ASTN2: variants seen among roughly 807,000 people sequenced by gnomAD.
The protein encoded by ASTN2 is astrotactin-2.
A neutral mutation model predicts 139.8 loss-of-function variants in ASTN2; 54 were observed. The ratio of observed to expected loss-of-function variants is 0.39; its 90% CI spans 0.31 to 0.48. The LOEUF is 0.48. ASTN2 is among the 20% of genes least tolerant of loss of function. ASTN2 has a pLI of 0.95. For missense variants in ASTN2, 1,565 were observed against 1,725.1 expected (o/e 0.91, Z 1.64); for synonymous variants, 756 against 719.5 (o/e 1.05, Z -0.81).
chr9:117,227,928 G>A (rs919738031), intron 2 of ASTN2, among the ~76,000 whole-genome samples: 1 of 152,148 alleles, frequency 6.6e-6, no homozygotes, highest in Non-Finnish European at 1.5e-5. Flanking sequence ...GTATCTATTT[G>A]TTATTACTAT....
Position 117,065,889 on chromosome 9 carries a change from C to T in ASTN2, c.1277-25924G>A, listed in dbSNP as rs200994881. Reference sequence around the variant, plus strand: ...AAATAGGCATATGCTCTGATTCTGTCACTTTCTTCGTAAGTATCTTAATGT... The same window carrying T: ...AAATAGGCATATGCTCTGATTCTGTTACTTTCTTCGTAAGTATCTTAATGT... On this transcript the variant is annotated intron_variant, in intron 5 of 22. Transcript: ENST00000313400. Among the ~76,000 whole-genome samples the T allele has an allele frequency of 2.6e-5, 4 of 152,246 alleles. No homozygotes were observed. The East Asian group carries it at 7.7e-4, about 29-fold the overall frequency.
rs1564169289 is a variant in ASTN2, at chr9:116,632,244, AGAAAGAAG to A, written c.3073-11809_3073-11802del. Among the ~76,000 whole-genome samples, 37 of 119,034 alleles carry A rather than the reference AGAAAGAAG, an allele frequency of 3.1e-4. 1 individual carries two copies. The highest frequency in any genetic ancestry group is 6.2e-4 in the African/African-American group (17 of 27,276). 78.1% of individuals were successfully genotyped at this position (119,034 alleles called of 152,430 possible). On this transcript the variant is annotated intron_variant, in intron 17 of 22. Coordinates refer to ENST00000313400, the MANE Select transcript of ASTN2 (RefSeq NM_001365068.1). ...AAGAAAGAAAGAAAGAAAGAAAGAA[AGAAAGAAG>A]GAAAGAAAGAAAGAAAGAAAGAAAG... is the stretch of plus-strand genomic sequence containing the variant.
At chr9:116,550,362 T>C (rs1476586967) in intron 19 of ASTN2, among the ~76,000 whole-genome samples, 1 of 152,212 alleles carries the variant, frequency 6.6e-6, no homozygotes, top group Non-Finnish European at 1.5e-5. Context: ...TAGTTTTAAG[T>C]ATTACTAGCA....
At chr9:116,738,681 T>A (rs1829011101) in intron 13 of ASTN2, among the ~76,000 whole-genome samples, 1 of 152,182 alleles carries the variant, frequency 6.6e-6, no homozygotes, top group South Asian at 2.1e-4. Context: ...GGTACTATCA[T>A]TATTCCCACT....
chr9:116,465,289 C>T (rs1209448110), intron 20 of ASTN2, among the ~76,000 whole-genome samples: 1 of 152,174 alleles, frequency 6.6e-6, no homozygotes, highest in African/African-American at 2.4e-5. Flanking sequence ...GCTCCCTTTG[C>T]CCCATGAAGA....
At chr9:117,249,595 G>A (rs1162567370) in intron 2 of ASTN2, among the ~76,000 whole-genome samples, 1 of 151,998 alleles carries the variant, frequency 6.6e-6, no homozygotes, top group Non-Finnish European at 1.5e-5. Flanking sequence ...CCATGCATGT[G>A]GTTCCTCTCT....
chr9:116,606,108 T>C (rs907612871), intron 19 of ASTN2, among the ~76,000 whole-genome samples: 2 of 152,100 alleles, frequency 1.3e-5, no homozygotes, highest in Non-Finnish European at 2.9e-5. Context: ...GATGAGGCCA[T>C]GAGGGAGAAC....
At chr9:117,208,642 C>T (rs1832017442) in intron 3 of ASTN2, among the ~76,000 whole-genome samples, 1 of 151,990 alleles carries the variant, frequency 6.6e-6, no homozygotes, top group Non-Finnish European at 1.5e-5. Flanking sequence ...GTCCAGGAAA[C>T]CAGATAGGTT....
chr9:116,541,495 A>C (rs938078109), intron 19 of ASTN2, among the ~76,000 whole-genome samples: 1 of 152,194 alleles, frequency 6.6e-6, no homozygotes, highest in African/African-American at 2.4e-5. Flanking sequence ...CTATTGCTTT[A>C]ATCATAGTTA....
intron 16 of ASTN2, among the ~76,000 whole-genome samples, chr9:116,715,317 A>G (rs577506750): frequency 1.6e-4 from 24 of 152,260 alleles, no homozygotes; most frequent in Admixed American, 1.6e-3. Flanking sequence ...AGGTCTAACA[A>G]AGAAGCCAAT....
At chr9:116,644,940 C>T (rs1023126087) in intron 17 of ASTN2, among the ~76,000 whole-genome samples, 1 of 152,110 alleles carries the variant, frequency 6.6e-6, no homozygotes, top group African/African-American at 2.4e-5. Flanking sequence ...GAAATGGAGA[C>T]CTAGACAGTA....
At chr9:116,643,759 C>G (rs1249403386) in intron 17 of ASTN2, among the ~76,000 whole-genome samples, 3 of 152,210 alleles carry the variant, frequency 2.0e-5, no homozygotes, top group Admixed American at 6.5e-5. Context: ...TGCAGTTCTA[C>G]TATGTGCCCA....
intron 4 of ASTN2, among the ~76,000 whole-genome samples, chr9:117,133,664 T>C (rs937642660): frequency 7.9e-5 from 12 of 152,170 alleles, no homozygotes; most frequent in Admixed American, 2.6e-4. Flanking sequence ...TATAAATTAC[T>C]TGAATAAAAG....
chr9:116,877,378 C>A (rs1189657398), intron 10 of ASTN2, among the ~76,000 whole-genome samples: 1 of 152,122 alleles, frequency 6.6e-6, no homozygotes, highest in African/African-American at 2.4e-5. Context: ...AGTCACTCAA[C>A]AAATAACTGC....
chr9:116,438,668 C>T (rs886890289), intron 22 of ASTN2, among the ~76,000 whole-genome samples: 5 of 152,170 alleles, frequency 3.3e-5, no homozygotes, highest in Admixed American at 1.3e-4. Context: ...AATCTTGGGC[C>T]GGGCGGTGGC....
intron 1 of ASTN2, among the ~76,000 whole-genome samples, chr9:117,349,762 A>C (rs1377241861): frequency 6.6e-6 from 1 of 152,224 alleles, no homozygotes; most frequent in African/African-American, 2.4e-5. Context: ...GAAGACTAAC[A>C]TCAGCAATAA....
At chr9:117,123,571 T>C (rs764430549) in intron 4 of ASTN2, among the ~76,000 whole-genome samples, 11 of 152,146 alleles carry the variant, frequency 7.2e-5, no homozygotes, top group African/African-American at 2.7e-4. Context: ...AAGAATACAA[T>C]GACAACACAC....
At chr9:117,302,205 C>G (rs1331521136) in intron 1 of ASTN2, among the ~76,000 whole-genome samples, 1 of 152,110 alleles carries the variant, frequency 6.6e-6, no homozygotes, top group East Asian at 1.9e-4. Flanking sequence ...ACCTTGTCCC[C>G]AGTGCCCCGT....
At chr9:116,980,390 T>TA (rs1041904593) in intron 7 of ASTN2, among the ~76,000 whole-genome samples, 242 of 143,428 alleles carry the variant, frequency 1.7e-3, no homozygotes, top group Non-Finnish European at 2.3e-3. Flanking sequence ...AAAGTTGAAT[T>TA]AAAAAAAAAA....
Sources: gnomAD v4.1 joint callset for allele counts (sites outside exome capture counted in the v4.1 genomes callset) on GRCh38, gnomAD v4.1.1 for gene constraint, MANE v1.5 for transcripts, NCBI Gene and HGNC (gene_info 2026-07-23, HGNC 2026-07-21) for gene names.